The following MOCOS variants were observed in gnomAD, a reference collection of about 807,000 sequenced individuals.
MOCOS encodes human molybdenum cofactor sulfurase.
A neutral mutation model predicts 83.6 loss-of-function variants in MOCOS; 86 were observed. That is an observed-to-expected ratio of 1.03 (90% CI 0.86 to 1.23). The LOEUF (loss-of-function observed/expected upper bound fraction) is 1.23. Among genes scored for constraint, MOCOS ranks in the 50% most tolerant of loss-of-function variants. The pLI, the probability that MOCOS is intolerant of heterozygous loss-of-function variation, is 0.00. For missense variants in MOCOS, 1,120 were observed against 1,126.9 expected, an observed-to-expected ratio of 0.99 and a Z score of 0.09; for synonymous variants, 445 against 434.7, an observed-to-expected ratio of 1.02 and a Z score of -0.29.
At position 36,266,761 on chromosome 18, in the gene MOCOS, T is replaced by G; in HGVS notation, c.2422T>G (p.Cys808Gly). The G allele has an allele frequency of 1.2e-6, 2 of 1,614,030 alleles. No individual in the cohort carries two copies. The highest frequency in any genetic ancestry group is 1.7e-6 in the Non-Finnish European group (2 of 1,180,022). Residue 808 changes from cysteine to glycine, a missense_variant, in exon 14 of 15, where the codon TGT becomes GGT. Coordinates refer to ENST00000261326, the MANE Select transcript of MOCOS (RefSeq NM_017947.4). ...TCTCACCTGCCAGGTTTTGGGGCCT[T>G]GTCACAGATGCCAGATGATTTGCAT... Reference protein sequence around the residue: ...GSLRFQVLGPCHRCQMICIDQ... With the variant: ...GSLRFQVLGPGHRCQMICIDQ...
rs678560 is a variant in MOCOS, at chr18:36,205,130, G to A, written c.1072G>A (p.Val358Met). ...HTFTLAQYTYVALSSLQYPNG... is the reference protein window; with the variant it reads ...HTFTLAQYTYMALSSLQYPNG... ...CTTCACCTTGGCTCAGTATACCTACGTGGCCCTGTCCTCTCTCCAGTACCC... is the reference window on the plus strand; with the variant it reads ...CTTCACCTTGGCTCAGTATACCTACATGGCCCTGTCCTCTCTCCAGTACCC... The change falls in exon 6 of 15, where the codon GTG becomes ATG. Residue 358 changes from valine to methionine, a missense_variant. By Grantham distance (21) the Val-to-Met change is conservative (BLOSUM62 1). Coordinates refer to ENST00000261326, the MANE Select transcript of MOCOS (RefSeq NM_017947.4). 1,507,615 of 1,613,626 alleles carry A rather than the reference G, an allele frequency of 0.93. 705,731 individuals carry two copies. The highest frequency in any genetic ancestry group is 0.95 in the Non-Finnish European group (1,124,529 of 1,179,764).
At chr18:36,222,604 A>AT (rs1321858575) in intron 9 of MOCOS, among the ~76,000 whole-genome samples, 31 of 130,482 alleles carry the variant, frequency 2.4e-4, no homozygotes, top group Admixed American at 2.1e-3. Flanking sequence ...TTAATTTTTT[A>AT]ATTTTTTTTT....
intron 9 of MOCOS, among the ~76,000 whole-genome samples, chr18:36,240,719 G>T (rs1197055521): frequency 6.6e-6 from 1 of 152,112 alleles, no homozygotes; most frequent in African/African-American, 2.4e-5. Context: ...AATGGTGGGC[G>T]CCCCTCCCCC....
intron 5 of MOCOS, among the ~76,000 whole-genome samples, chr18:36,204,818 C>T (rs562502030): frequency 2.6e-5 from 4 of 151,582 alleles, no homozygotes; most frequent in Non-Finnish European, 4.4e-5. Context: ...CATGGTGAAA[C>T]TCCATCTCTG....
chr18:36,264,679 G>A (rs1269571291), intron 13 of MOCOS, among the ~76,000 whole-genome samples: 1 of 152,034 alleles, frequency 6.6e-6, no homozygotes, highest in Non-Finnish European at 1.5e-5. Context: ...GCAAGTTCTG[G>A]GTGCTTACGT....
intron 9 of MOCOS, among the ~76,000 whole-genome samples, chr18:36,233,876 G>T (rs1209976694): frequency 1.3e-5 from 2 of 149,856 alleles, no homozygotes; most frequent in Non-Finnish European, 3.0e-5. Flanking sequence ...ACTTTTTGAT[G>T]AGATTATTTG....
At chr18:36,228,595 C>T (rs983586956) in intron 9 of MOCOS, among the ~76,000 whole-genome samples, 1 of 152,068 alleles carries the variant, frequency 6.6e-6, no homozygotes, top group Non-Finnish European at 1.5e-5. Context: ...AAACCAAATA[C>T]CACATGTTCT....
intron 6 of MOCOS, among the ~76,000 whole-genome samples, chr18:36,207,194 G>A (rs28809798): frequency 0.017 from 2,533 of 152,024 alleles, 67 homozygotes; most frequent in African/African-American, 0.058. Flanking sequence ...GCACCACTAC[G>A]CCCGGTTAAT....
chr18:36,249,857 T>C (rs2091615554), intron 10 of MOCOS, among the ~76,000 whole-genome samples: 1 of 152,168 alleles, frequency 6.6e-6, no homozygotes, highest in Admixed American at 6.5e-5. Flanking sequence ...AGCTTTCAGG[T>C]GATAACTCAC....
At chr18:36,231,465 C>T (rs929558119) in intron 9 of MOCOS, among the ~76,000 whole-genome samples, 13 of 152,188 alleles carry the variant, frequency 8.5e-5, no homozygotes, top group Admixed American at 2.0e-4. Flanking sequence ...ATGCATGTTA[C>T]GCATTCCTTT....
Position 36,260,168 on chromosome 18 carries a change from G to A in MOCOS, c.2402G>A (p.Arg801His), listed in dbSNP as rs768710712. Residue 801 changes from arginine (R) to histidine (H), a missense_variant, in exon 13 of 15, where the codon CGT (arginine) becomes CAT (histidine). Arg to His is a conservative substitution (Grantham distance 29). Transcript: ENST00000261326. The part of the protein sequence containing the change: ...KWDEISIGSL[R>H]FQVLGPCHRC... ...GATGAGATTTCAATTGGCTCTTTGC[G>A]TTTCCAGGTAAGTTTGGGGAAGTTC... The A allele has an allele frequency of 1.2e-4, 195 of 1,613,992 alleles. No homozygotes were observed. Among genetic ancestry groups the A allele is most frequent in the Non-Finnish European group, 1.5e-4 (175 of 1,179,982 alleles).
chr18:36,202,977 T>G, intron 4 of MOCOS, 136 bp from the exon 5 acceptor site: 5 of 822,320 alleles, frequency 6.1e-6, no homozygotes, highest in Non-Finnish European at 1.0e-5. Flanking sequence ...CAATTAGAGA[T>G]GAGATTTAGG....
intron 9 of MOCOS, among the ~76,000 whole-genome samples, chr18:36,230,521 G>A (rs936405118): frequency 6.6e-6 from 1 of 152,214 alleles, no homozygotes; most frequent in Admixed American, 6.5e-5. Context: ...AGGATAATCA[G>A]GCAACTATGT....
At chr18:36,247,179 A>G (rs2091605695) in intron 9 of MOCOS, among the ~76,000 whole-genome samples, 1 of 152,190 alleles carries the variant, frequency 6.6e-6, no homozygotes, top group South Asian at 2.1e-4. Context: ...CCACACAGCC[A>G]GCAAGGCCAG....
At chr18:36,265,357 C>T (rs1176129645) in intron 13 of MOCOS, among the ~76,000 whole-genome samples, 2 of 152,318 alleles carry the variant, frequency 1.3e-5, no homozygotes, top group East Asian at 3.9e-4. Flanking sequence ...TGCCTTCGTG[C>T]CATCCTGGCT....
At chr18:36,266,723 G>T in intron 13 of MOCOS, 26 bp from the exon 14 acceptor site, 2 of 1,599,736 alleles carry the variant, frequency 1.3e-6, no homozygotes, top group African/African-American at 2.7e-5. Flanking sequence ...TTGTGGCAAC[G>T]CTGTGTTTTC....
At chr18:36,259,890 G>GCA in intron 12 of MOCOS, 147 bp from the exon 13 acceptor site, 1 of 1,146,378 alleles carries the variant, frequency 8.7e-7, no homozygotes, top group East Asian at 2.4e-5. Context: ...TTGCACTCAT[G>GCA]GTAAAAGTCT....
chr18:36,211,397 ACT>A (rs1193411919), intron 6 of MOCOS, among the ~76,000 whole-genome samples: 4 of 151,446 alleles, frequency 2.6e-5, no homozygotes, highest in African/African-American at 9.8e-5. Flanking sequence ...GTTCTCCAAG[ACT>A]CTGTGAAATG....
In MOCOS at chr18:36,198,643, G is replaced by A. The variant is rs59942447; in HGVS notation, c.233-47G>A. On this transcript the variant is annotated intron_variant, in intron 2 of 14. Transcript: ENST00000261326. The stretch of plus-strand genomic sequence containing the variant: ...TGGATTCAGAAGGAACACAAAAGAA[G>A]CGACCCTAAGTAGTGACTTGGTGGC... The A allele has an allele frequency of 0.061, 97,362 of 1,585,738 alleles. 4,044 individuals carry two copies. The highest frequency in any genetic ancestry group is 0.14 in the African/African-American group (10,647 of 74,346).
Sources: gnomAD v4.1 joint callset for allele counts (sites outside exome capture counted in the v4.1 genomes callset) on GRCh38, gnomAD v4.1.1 for gene constraint, MANE v1.5 for transcripts, NCBI Gene and HGNC (gene_info 2026-07-23, HGNC 2026-07-21) for gene names.